Variants in VPS4B observed in about 807,000 individuals in gnomAD.
VPS4B encodes the protein vacuolar protein sorting-associated protein 4B.
In VPS4B, 23 loss-of-function variants were observed where a neutral mutation model predicts 56.1. The observed-to-expected ratio is 0.41, with a 90% confidence interval of 0.30 to 0.58. The LOEUF (loss-of-function observed/expected upper bound fraction) is 0.58. VPS4B is among the 20% of genes least tolerant of loss of function. The pLI is 0.29. For missense variants in VPS4B, 372 were observed against 531.9 expected, an observed-to-expected ratio of 0.70 and a Z score of 2.96; for synonymous variants, 177 against 186.0, an observed-to-expected ratio of 0.95 and a Z score of 0.39.
intron 10 of VPS4B, among the ~76,000 whole-genome samples, chr18:63,392,302 A>G (rs2144408552): frequency 6.6e-6 from 1 of 152,362 alleles, no homozygotes; most frequent in South Asian, 2.1e-4. Flanking sequence ...GATTATTTTA[A>G]TTCTTCCAAT....
Position 63,400,140 on chromosome 18 carries a change from A to G in VPS4B, c.698T>C (p.Ile233Thr). The G allele has an allele frequency of 6.2e-7, 1 of 1,613,894 alleles. No homozygotes were observed. The highest frequency in any genetic ancestry group is 8.5e-7 in the Non-Finnish European group (1 of 1,179,914). Residue 233 changes from isoleucine (I) to threonine (T), a missense_variant, in exon 7 of 11, where the codon ATT (isoleucine) becomes ACT (threonine). Physicochemically the swap from Ile to Thr is moderately conservative, Grantham distance 89 (BLOSUM62 -1). Around this residue, in one of 3 missense-constraint regions of VPS4B, gnomAD observed 66 missense variants for 150.7 expected, o/e 0.44. Coordinates refer to ENST00000238497, the MANE Select transcript of VPS4B (RefSeq NM_004869.4). ...ARENKPSIIF[I>T]DEIDSLCGSR... ...ACCACAGAGAGAATCAATTTCATCA[A>G]TGAAGATAATGGAGGGCTTGTTCTC...
In VPS4B at chr18:63,399,303, C is replaced by T; in HGVS notation, c.811G>A (p.Gly271Arg). The T allele has an allele frequency of 6.2e-7, 1 of 1,614,014 alleles. No homozygotes were observed. Among genetic ancestry groups the T allele is most frequent in the Non-Finnish European group, 8.5e-7 (1 of 1,179,936 alleles). ...QMQGVGVDND[G>R]ILVLGATNIP... Reference sequence around the variant, plus strand: ...TTTGTAGCTCCCAGAACCAAAATTCCATCATTGTCTACACCAACCCCTGCA... The same window carrying T: ...TTTGTAGCTCCCAGAACCAAAATTCTATCATTGTCTACACCAACCCCTGCA... Residue 271 changes from glycine to arginine, a missense_variant, in exon 8 of 11, where the codon GGA (glycine) becomes AGA (arginine). Coordinates refer to ENST00000238497, the MANE Select transcript of VPS4B (RefSeq NM_004869.4).
intron 4 of VPS4B, 142 bp from the exon 5 acceptor site, chr18:63,403,968 G>C: frequency 1.1e-6 from 1 of 933,688 alleles, no homozygotes; most frequent in South Asian, 2.0e-5. Context: ...AATAGCGTGA[G>C]CAGGAAGCAG....
chr18:63,398,515 C>T (rs982999650), intron 8 of VPS4B, among the ~76,000 whole-genome samples: 13 of 151,388 alleles, frequency 8.6e-5, no homozygotes, highest in Non-Finnish European at 1.8e-4. Flanking sequence ...CCACCACACC[C>T]GGCCTGACAT....
intron 7 of VPS4B, among the ~76,000 whole-genome samples, 167 bp from the exon 8 acceptor site, chr18:63,399,490 T>A (rs2144416903): frequency 6.6e-6 from 1 of 152,354 alleles, no homozygotes; most frequent in Non-Finnish European, 1.5e-5. Flanking sequence ...CTTACGGCAA[T>A]ATGATCCAAA....
chr18:63,395,154 G>C (rs1048076465), intron 9 of VPS4B, among the ~76,000 whole-genome samples: 1 of 152,144 alleles, frequency 6.6e-6, no homozygotes, highest in Admixed American at 6.5e-5. Context: ...CACTAACAAG[G>C]ACCTGGCTTC....
intron 1 of VPS4B, among the ~76,000 whole-genome samples, chr18:63,420,831 A>G (rs904916599): frequency 6.6e-6 from 1 of 152,070 alleles, no homozygotes; most frequent in African/African-American, 2.4e-5. Context: ...CCTGAGGTCA[A>G]GAGGCCAGCC....
intron 2 of VPS4B, 150 bp downstream of exon 2, chr18:63,411,317 A>T: frequency 1.9e-6 from 1 of 539,140 alleles, no homozygotes; most frequent in Non-Finnish European, 3.0e-6. Context: ...CTCAATACTT[A>T]AAAATCACTA....
At chr18:63,407,116 AGTGTGCTAATAGTATAAGTGT>A (rs1182516747) in intron 4 of VPS4B, among the ~76,000 whole-genome samples, 1 of 152,254 alleles carries the variant, frequency 6.6e-6, no homozygotes, top group Non-Finnish European at 1.5e-5. Flanking sequence ...CAAATTTTGC[AGTGTGCTAATAGTATAAGTGT>A]TACCTTCTCT....
At chr18:63,422,130 C>T (rs1298870583) in intron 1 of VPS4B, 103 bp downstream of exon 1, 2 of 1,296,102 alleles carry the variant, frequency 1.5e-6, no homozygotes, top group African/African-American at 3.1e-5. Flanking sequence ...TGCGCCTCGA[C>T]CACAGGCGCG....
chr18:63,393,561 A>G lies in VPS4B; in HGVS notation c.1093-12T>C, dbSNP rs1230488364. 8.3e-6 allele frequency: 13 copies of G among 1,560,940 alleles called. No homozygotes were observed. The Admixed American group carries it at 2.6e-4, about 31-fold the overall frequency. ...GAAGGTCCGCGAACCTGAAATAAAC[A>G]GTAATCTGAAATATGTATTTGAAAC... On this transcript the variant is annotated splice_polypyrimidine_tract_variant and intron_variant, in intron 9 of 10. Coordinates refer to ENST00000238497, the MANE Select transcript of VPS4B (RefSeq NM_004869.4).
rs983145250 is a variant in VPS4B, at chr18:63,403,775, A to T, written c.416T>A (p.Leu139His). Residue 139 changes from leucine to histidine, a missense_variant, in exon 5 of 11, where the codon CTT (leucine) becomes CAT (histidine). Coordinates refer to ENST00000238497, the MANE Select transcript of VPS4B (RefSeq NM_004869.4). ...TTTCAGTGCTTCTTTGGCTCCTTCA[A>T]GTCCAGCAACGTCACTCCATTTCAC... ...PNVKWSDVAGLEGAKEALKEA... is the reference protein window; with the variant it reads ...PNVKWSDVAGHEGAKEALKEA... The T allele has an allele frequency of 1.2e-6, 2 of 1,613,604 alleles. No homozygotes were observed. The highest frequency in any genetic ancestry group is 3.3e-5 in the Admixed American group (2 of 59,992).
intron 9 of VPS4B, among the ~76,000 whole-genome samples, chr18:63,393,835 C>G (rs1915611247): frequency 2.6e-5 from 4 of 152,010 alleles, no homozygotes; most frequent in African/African-American, 9.7e-5. Context: ...CTCCTGGGTT[C>G]AAGGGATTCT....
At chr18:63,418,312 T>C (rs972810664) in intron 1 of VPS4B, among the ~76,000 whole-genome samples, 1 of 152,216 alleles carries the variant, frequency 6.6e-6, no homozygotes, top group Non-Finnish European at 1.5e-5. Context: ...CCAAATCATA[T>C]GCTTATCTCA....
At chr18:63,419,636 T>C (rs1431793862) in intron 1 of VPS4B, among the ~76,000 whole-genome samples, 4 of 152,208 alleles carry the variant, frequency 2.6e-5, no homozygotes, top group Non-Finnish European at 5.9e-5. Context: ...CAACATCTTA[T>C]TGCACTGTTC....
chr18:63,417,870 A>G (rs943758198), intron 1 of VPS4B, among the ~76,000 whole-genome samples: 29 of 152,176 alleles, frequency 1.9e-4, no homozygotes, highest in Admixed American at 1.6e-3. Flanking sequence ...AACATGTGGA[A>G]TTGTCCTGTT....
intron 5 of VPS4B, 131 bp from the exon 6 acceptor site, chr18:63,400,834 A>G: frequency 1.1e-6 from 1 of 911,222 alleles, no homozygotes; most frequent in South Asian, 1.8e-5. Context: ...AAAATAAATC[A>G]ATCTAAGGTA....
chr18:63,417,917 C>T (rs1043665811), intron 1 of VPS4B, among the ~76,000 whole-genome samples: 21 of 152,142 alleles, frequency 1.4e-4, no homozygotes, highest in African/African-American at 5.1e-4. Flanking sequence ...CCTTAGAAAA[C>T]CCTGAGAAAT....
intron 1 of VPS4B, among the ~76,000 whole-genome samples, chr18:63,419,616 TTC>T (rs34269467): frequency 0.27 from 40,637 of 152,030 alleles, 6,052 homozygotes; most frequent in East Asian, 0.49. Context: ...TGAATGTGGT[TTC>T]TCTCTCTCAA....
Sources: gnomAD v4.1 joint callset for allele counts (sites outside exome capture counted in the v4.1 genomes callset) on GRCh38, gnomAD v4.1.1 for gene constraint, gnomAD v4.1.1 regional missense constraint, MANE v1.5 for transcripts, NCBI Gene and HGNC (gene_info 2026-07-23, HGNC 2026-07-21) for gene names.